SOX5: variants seen among roughly 807,000 people sequenced by gnomAD.
SOX5 encodes SRY-box transcription factor 5, also known as transcription factor SOX-5.
In SOX5, 9 loss-of-function variants were observed where a neutral mutation model predicts 92.0. That is an observed-to-expected ratio of 0.10 (90% CI 0.06 to 0.17). The LOEUF (loss-of-function observed/expected upper bound fraction) is 0.17. Among genes scored for constraint, SOX5 ranks in the 10% least tolerant of loss-of-function variants. SOX5 has a pLI of 1.00. For missense variants in SOX5, 642 were observed against 944.5 expected, an observed-to-expected ratio of 0.68 and a Z score of 4.20; for synonymous variants, 344 against 336.3, an observed-to-expected ratio of 1.02 and a Z score of -0.25.
intron 8 of SOX5, among the ~76,000 whole-genome samples, chr12:23,624,375 C>A (rs535644645): frequency 6.6e-6 from 1 of 151,874 alleles, no homozygotes; most frequent in African/African-American, 2.4e-5. Flanking sequence ...TAAAAAGAAA[C>A]CTACAGAGGA....
rs187976746 is a variant in SOX5 at position 23,556,055 on chromosome 12, G to T, written c.1488+7203C>A. Among the ~76,000 whole-genome samples the T allele has an allele frequency of 2.1e-4, 32 of 152,214 alleles. No homozygotes were observed. The East Asian group carries it at 6.2e-3, about 29-fold the overall frequency. ...AATACCTATTTGCCTTTTTGTCATG[G>T]TCTTTGAAAACTGGCTGCTCTGTGC... On this transcript the variant is annotated intron_variant, in intron 11 of 14. Transcript: ENST00000451604.
intron 1 of SOX5, among the ~76,000 whole-genome samples, chr12:23,922,229 T>A (rs907004985): frequency 3.3e-5 from 5 of 152,084 alleles, no homozygotes; most frequent in African/African-American, 1.2e-4. Context: ...AGCTTCCTGT[T>A]CAGTCTTGAT....
chr12:24,171,694 G>A (rs545856149), intron 4 of SOX5, among the ~76,000 whole-genome samples: 43 of 152,106 alleles, frequency 2.8e-4, no homozygotes, highest in Non-Finnish European at 5.0e-4. Flanking sequence ...GGCTAGAGAA[G>A]CATATAAAGA....
At chr12:24,267,010 A>G (rs969173897) in intron 3 of SOX5, among the ~76,000 whole-genome samples, 1 of 152,206 alleles carries the variant, frequency 6.6e-6, no homozygotes, top group Non-Finnish European at 1.5e-5. Context: ...TAGAATTCAT[A>G]TTGGTAATGG....
intron 8 of SOX5, among the ~76,000 whole-genome samples, chr12:23,621,873 T>C (rs1250968887): frequency 2.0e-5 from 3 of 152,084 alleles, no homozygotes; most frequent in African/African-American, 7.2e-5. Flanking sequence ...TCTCTCTTCA[T>C]TTTCCCTTCC....
intron 13 of SOX5, among the ~76,000 whole-genome samples, chr12:23,540,623 T>C (rs1941811483): frequency 6.6e-6 from 1 of 152,194 alleles, no homozygotes; most frequent in Non-Finnish European, 1.5e-5. Flanking sequence ...CCAACTAAAC[T>C]ACTGTATATC....
rs1027319937 is a variant in SOX5, at chr12:24,084,358, T to A, written c.-2+128985A>T. Among the ~76,000 whole-genome samples, 3 of 152,012 alleles carry A rather than the reference T, an allele frequency of 2.0e-5. No homozygotes were observed. In the East Asian group the frequency reaches 5.8e-4, roughly 29 times the overall value. On this transcript the variant is annotated intron_variant, in intron 4 of 4. Transcript: ENST00000446891. ...GGATTCTGACTTAATTTCCTTAATA[T>A]CACAGAAAAACATGGGAGAGCTCCT...
intron 8 of SOX5, among the ~76,000 whole-genome samples, chr12:23,605,114 T>G (rs2075080939): frequency 6.6e-6 from 1 of 152,168 alleles, no homozygotes; most frequent in African/African-American, 2.4e-5. Flanking sequence ...AGAAGTTCAC[T>G]TTACTTCATG....
intron 1 of SOX5, among the ~76,000 whole-genome samples, chr12:24,511,642 C>A (rs972117166): frequency 6.6e-6 from 1 of 152,104 alleles, no homozygotes; most frequent in Non-Finnish European, 1.5e-5. Flanking sequence ...TCATGGCAAT[C>A]AATAACGACA....
At chr12:23,994,070 C>A (rs932779396) in intron 4 of SOX5, among the ~76,000 whole-genome samples, 13 of 152,002 alleles carry the variant, frequency 8.6e-5, no homozygotes, top group Admixed American at 8.5e-4. Context: ...GCCATGATCA[C>A]ACCACTGGCA....
intron 1 of SOX5, among the ~76,000 whole-genome samples, chr12:24,446,648 G>A (rs1476145682): frequency 6.6e-6 from 1 of 152,140 alleles, no homozygotes; most frequent in Admixed American, 6.6e-5. Flanking sequence ...AGTGCAAGTG[G>A]GGGTGATTAG....
chr12:24,139,908 G>A (rs750626783), intron 4 of SOX5, among the ~76,000 whole-genome samples: 1 of 152,022 alleles, frequency 6.6e-6, no homozygotes, highest in Non-Finnish European at 1.5e-5. Flanking sequence ...TAGGATATAC[G>A]AATGAATACG....
intron 2 of SOX5, among the ~76,000 whole-genome samples, chr12:23,864,517 AAAGT>A (rs1251685229): frequency 5.9e-5 from 9 of 152,212 alleles, no homozygotes; most frequent in Non-Finnish European, 1.2e-4. Flanking sequence ...GAAGGAAATA[AAAGT>A]AATACTCCAC....
chr12:23,872,247 C>T (rs948075213), intron 2 of SOX5, among the ~76,000 whole-genome samples: 1 of 145,014 alleles, frequency 6.9e-6, no homozygotes, highest in Admixed American at 7.1e-5. Context: ...CTCCTGACCT[C>T]GTGATCCGCC....
chr12:24,529,770 G>A lies in SOX5; in HGVS notation c.-251+32559C>T, dbSNP rs185951575. On this transcript the variant is annotated intron_variant, in intron 1 of 4. Coordinates refer to the SOX5 transcript ENST00000446891. ...CGCGGTGGCTCACGCCTGTAATCCC[G>A]GCACTTCAGGAGGCCGAGGTGGGCA... Among the ~76,000 whole-genome samples the A allele has an allele frequency of 1.1e-4, 16 of 152,126 alleles. No homozygotes were observed. The South Asian group carries it at 2.3e-3, about 22-fold the overall frequency.
intron 3 of SOX5, among the ~76,000 whole-genome samples, chr12:23,823,972 T>C (rs1385168018): frequency 6.6e-6 from 1 of 152,250 alleles, no homozygotes; most frequent in Non-Finnish European, 1.5e-5. Flanking sequence ...CATCACGTCA[T>C]TTATGTTCTT....
rs373668542 is a variant in SOX5 at position 23,918,219 on chromosome 12, CTG to C, written c.39-22197_39-22196del. On this transcript the variant is annotated intron_variant, in intron 1 of 14. Transcript: ENST00000451604. ...TACAACTGTAATATTTTCCTTAACT[CTG>C]TTTTTCCATTTCATAAGTAATTTTT... Among the ~76,000 whole-genome samples, 202 of 152,222 alleles carry C rather than the reference CTG, an allele frequency of 1.3e-3. 1 individual carries two copies. The highest frequency in any genetic ancestry group is 4.6e-3 in the African/African-American group (190 of 41,550).
chr12:24,012,693 A>T (rs192850077), intron 4 of SOX5, among the ~76,000 whole-genome samples: 3 of 152,222 alleles, frequency 2.0e-5, no homozygotes, highest in Non-Finnish European at 4.4e-5. Flanking sequence ...TTGCTTTAGG[A>T]TGAGAAATCA....
At chr12:24,430,015 T>C (rs1164071694) in intron 1 of SOX5, among the ~76,000 whole-genome samples, 1 of 152,168 alleles carries the variant, frequency 6.6e-6, no homozygotes, top group East Asian at 1.9e-4. Flanking sequence ...ATTAGCACAG[T>C]TTTTAACCTT....
Sources: allele counts gnomAD v4.1 joint callset (sites outside exome capture counted in the v4.1 genomes callset), GRCh38; gene constraint gnomAD v4.1.1; transcripts MANE v1.5; gene names NCBI Gene and HGNC (gene_info 2026-07-23, HGNC 2026-07-21).